The following HSPA4L variants were observed in gnomAD, a reference collection of about 807,000 sequenced individuals.
HSPA4L encodes heat shock 70 kDa protein 4L.
Under a neutral mutation model 100.3 loss-of-function variants are expected in HSPA4L, and 48 were observed. That is an observed-to-expected ratio of 0.48 (90% CI 0.38 to 0.61). The LOEUF (loss-of-function observed/expected upper bound fraction) is 0.61, where lower values mean the gene tolerates loss of function less well. Ranked by LOEUF, HSPA4L falls within the 20% of genes least tolerant of loss-of-function variation. The pLI, the probability that HSPA4L is intolerant of heterozygous loss-of-function variation, is 0.00. For synonymous variants in HSPA4L, 319 were observed against 328.2 expected (o/e 0.97, Z 0.30); for missense variants, 886 against 988.6 (o/e 0.90, Z 1.39).
At chr4:127,791,651 T>C (rs563015054) in intron 1 of HSPA4L, among the ~76,000 whole-genome samples, 1 of 152,340 alleles carries the variant, frequency 6.6e-6, no homozygotes, top group East Asian at 1.9e-4. Flanking sequence ...CATCCTGATA[T>C]AGACTACTGG....
intron 1 of HSPA4L, chr4:127,783,520 C>A: frequency 6.7e-7 from 1 of 1,489,646 alleles, no homozygotes; most frequent in Non-Finnish European, 8.9e-7. Context: ...AACATGTTTC[C>A]ACATGTTCCG....
chr4:127,782,361 G>C lies in HSPA4L; in HGVS notation c.-190G>C. 1 of 582,810 alleles carries C rather than the reference G, an allele frequency of 1.7e-6. No homozygotes were observed. The highest frequency in any genetic ancestry group is 3.1e-6 in the Non-Finnish European group (1 of 324,670). 36.1% of individuals were successfully genotyped at this position (582,810 alleles called of 1,614,324 possible). A position where few individuals can be genotyped will look rare whatever the true frequency, so the allele number is the denominator to read the frequency against. ...CAGGCTGCGGGACGCGGTGCAGGCT[G>C]CGGCGCTGACGGCCTCTGCTCCTTC... On this transcript the variant is annotated 5_prime_UTR_variant, in exon 1 of 19. Coordinates refer to ENST00000296464, the MANE Select transcript of HSPA4L (RefSeq NM_014278.4).
chr4:127,801,169 G>A lies in HSPA4L; in HGVS notation c.461G>A (p.Arg154Lys). Residue 154 changes from arginine (R) to lysine (K), a missense_variant, in exon 5 of 19, where the codon AGA (arginine) becomes AAA (lysine). Arg to Lys is a conservative substitution (Grantham distance 26). Transcript: ENST00000296464. ...AGCTTTTTTACTGATGCCGAGAGAA[G>A]ATCTGTGATGGCTGCAGCCCAGGTT... Reference protein sequence around the residue: ...IPSFFTDAERRSVMAAAQVAG... With the variant: ...IPSFFTDAERKSVMAAAQVAG... 6.2e-7 allele frequency: 1 copy of A among 1,613,156 alleles called. No individual in the cohort carries two copies. Among genetic ancestry groups the A allele is most frequent in the Non-Finnish European group, 8.5e-7 (1 of 1,179,646 alleles).
chr4:127,811,179 C>CTTTT (rs35272929), intron 11 of HSPA4L, among the ~76,000 whole-genome samples: 1 of 142,440 alleles, frequency 7.0e-6, no homozygotes, highest in African/African-American at 2.6e-5. Flanking sequence ...ATTCCCAGTG[C>CTTTT]TTTTTTTTTT....
intron 10 of HSPA4L, among the ~76,000 whole-genome samples, chr4:127,807,080 T>G (rs1199543900): frequency 6.6e-6 from 1 of 151,948 alleles, no homozygotes; most frequent in Admixed American, 6.6e-5. Context: ...GAAAAGTAAA[T>G]ATAGCCTAAT....
At chr4:127,809,460 C>T (rs1733466122) in intron 11 of HSPA4L, 1 of 1,178,738 alleles carries the variant, frequency 8.5e-7, no homozygotes, top group South Asian at 1.2e-5. Context: ...TGTTTTACCT[C>T]GCCTTGACCC....
chr4:127,782,262 G>A, upstream of HSPA4L: 2 of 427,748 alleles, frequency 4.7e-6, no homozygotes, highest in Non-Finnish European at 8.6e-6. Context: ...CGCGCCTCCC[G>A]GGCAGCCGAG....
At chr4:127,783,615 C>A (rs1268603696) in intron 1 of HSPA4L, 1 of 1,534,856 alleles carries the variant, frequency 6.5e-7, no homozygotes, top group Admixed American at 2.0e-5. Context: ...TGCTTATAGG[C>A]TGCTGTTACT....
intron 6 of HSPA4L, among the ~76,000 whole-genome samples, chr4:127,802,656 C>T (rs554734214): frequency 4.6e-5 from 7 of 152,112 alleles, no homozygotes; most frequent in South Asian, 2.1e-4. Flanking sequence ...TAGTGAAATA[C>T]GATTTTTAGA....
At chr4:127,809,182 T>C (rs1733456005) in intron 11 of HSPA4L, 1 of 1,006,490 alleles carries the variant, frequency 9.9e-7, no homozygotes, top group East Asian at 2.4e-5. Flanking sequence ...TGCATCAAAC[T>C]CTTCAGGACA....
Position 127,834,060 on chromosome 4 carries a change from G to T in HSPA4L, c.*1186G>T, listed in dbSNP as rs950750897. The T allele has an allele frequency of 6.6e-6, 1 of 152,108 alleles. No homozygotes were observed. The highest frequency in any genetic ancestry group is 2.4e-5 in the African/African-American group (1 of 41,424). 9.4% of individuals were successfully genotyped at this position (152,108 alleles called of 1,614,324 possible). The stretch of plus-strand genomic sequence containing the variant: ...CTTATACAAATTAAATGCGAAAAGG[G>T]ACTGTAAACTTAAGATGTATTTTAA... On this transcript the variant is annotated 3_prime_UTR_variant, in exon 19 of 19. Transcript: ENST00000296464.
At chr4:127,819,537 G>A (rs1733755875) in intron 13 of HSPA4L, among the ~76,000 whole-genome samples, 1 of 152,092 alleles carries the variant, frequency 6.6e-6, no homozygotes, top group African/African-American at 2.4e-5. Flanking sequence ...CCAATTAGTT[G>A]TACAGTTTTT....
chr4:127,802,449 A>C (rs1733216313), intron 6 of HSPA4L, among the ~76,000 whole-genome samples: 2 of 152,192 alleles, frequency 1.3e-5, no homozygotes, highest in Non-Finnish European at 1.5e-5. Context: ...GATAAACTGC[A>C]ACACTGCAAG....
intron 1 of HSPA4L, chr4:127,783,483 T>G: frequency 6.9e-7 from 1 of 1,452,826 alleles, no homozygotes; most frequent in Admixed American, 2.6e-5. Context: ...AATGAAAGGC[T>G]TAGGAGGAGC....
At position 127,834,960 on chromosome 4, in the gene HSPA4L, AATAT is replaced by A. The variant is rs374886094; in HGVS notation, c.*2092_*2095del. 1 of 152,242 alleles carries A rather than the reference AATAT, an allele frequency of 6.6e-6. No individual in the cohort carries two copies. The highest frequency in any genetic ancestry group is 1.9e-4 in the East Asian group (1 of 5,182). The allele number at this position is 152,242 out of a possible 1,614,324, so 9.4% of individuals were successfully genotyped here. Reference sequence around the variant, plus strand: ...TCATTTAATAACTTATATACATCCAAATATATATACTTTTTCTACCCAATTATTC... The same window carrying A: ...TCATTTAATAACTTATATACATCCAAATATACTTTTTCTACCCAATTATTC... On this transcript the variant is annotated 3_prime_UTR_variant, in exon 19 of 19. Coordinates refer to ENST00000296464, the MANE Select transcript of HSPA4L (RefSeq NM_014278.4).
At chr4:127,782,116 C>T (rs1578681368), upstream of HSPA4L, 2 of 455,144 alleles carry the variant, frequency 4.4e-6, no homozygotes, top group South Asian at 1.6e-5. Context: ...CTTCTCCCGC[C>T]CCCGGATAGC....
chr4:127,823,998 T>C (rs972513328), intron 16 of HSPA4L, among the ~76,000 whole-genome samples: 23 of 152,226 alleles, frequency 1.5e-4, no homozygotes, highest in African/African-American at 4.1e-4. Flanking sequence ...CTTTGACCAG[T>C]AGCTCTCCAT....
upstream of HSPA4L, chr4:127,781,986 G>C (rs1732563943): frequency 2.2e-6 from 1 of 447,774 alleles, no homozygotes; most frequent in Non-Finnish European, 4.5e-6. Flanking sequence ...CAAAGCCCCG[G>C]GCCGGCCGGT....
At chr4:127,815,033 GATA>G (rs1044468676) in intron 12 of HSPA4L, among the ~76,000 whole-genome samples, 1 of 152,086 alleles carries the variant, frequency 6.6e-6, no homozygotes, top group Non-Finnish European at 1.5e-5. Context: ...GGAATAATAA[GATA>G]ATAAGTTCTT....
Sources: allele counts gnomAD v4.1 joint callset (sites outside exome capture counted in the v4.1 genomes callset), GRCh38; gene constraint gnomAD v4.1.1; transcripts MANE v1.5; gene names NCBI Gene and HGNC (gene_info 2026-07-23, HGNC 2026-07-21).